ARID4A: variants seen among roughly 807,000 people sequenced by gnomAD.
ARID4A encodes the protein AT-rich interactive domain-containing protein 4A.
Under a neutral mutation model 148.6 loss-of-function variants are expected in ARID4A, and 39 were observed. The ratio of observed to expected loss-of-function variants is 0.26; its 90% CI spans 0.20 to 0.34. The LOEUF is 0.34. ARID4A is among the 10% of genes least tolerant of loss of function. The probability of loss-of-function intolerance (pLI) is 1.00; values close to 1 mark genes in which losing one functional copy is unlikely to be tolerated. For synonymous variants in ARID4A, 475 were observed against 481.2 expected (o/e 0.99, Z 0.17); for missense variants, 1,265 against 1,449.1 (o/e 0.87, Z 2.06).
chr14:58,352,479 A>G (rs1380611751), intron 16 of ARID4A, among the ~76,000 whole-genome samples: 7 of 152,222 alleles, frequency 4.6e-5, no homozygotes, highest in African/African-American at 1.4e-4. Context: ...TAATACATCT[A>G]TGTAAAATGT....
chr14:58,363,701 AAAAAG>A (rs1161063152), intron 19 of ARID4A, among the ~76,000 whole-genome samples: 65 of 152,174 alleles, frequency 4.3e-4, no homozygotes, highest in African/African-American at 1.4e-3. Flanking sequence ...GTCTCAAAAA[AAAAAG>A]AAAAGAAAAG....
chr14:58,318,661 G>T (rs957508214), intron 6 of ARID4A, 40 bp downstream of exon 6: 5 of 1,612,658 alleles, frequency 3.1e-6, no homozygotes, highest in African/African-American at 1.3e-5. Context: ...TGAACTACAG[G>T]TACTGATCTA....
chr14:58,308,127 A>G (rs948157185), intron 5 of ARID4A, among the ~76,000 whole-genome samples: 13 of 152,326 alleles, frequency 8.5e-5, no homozygotes, highest in Non-Finnish European at 1.5e-4. Context: ...TGTCCTCTAC[A>G]TGAGTAGCGT....
chr14:58,298,937 A>C (rs1226205801), intron 1 of ARID4A, among the ~76,000 whole-genome samples: 1 of 152,084 alleles, frequency 6.6e-6, no homozygotes, highest in African/African-American at 2.4e-5. Context: ...TTCCCGGGAA[A>C]ATGGCTGTGG....
At chr14:58,318,035 G>C (rs1215167533) in intron 5 of ARID4A, among the ~76,000 whole-genome samples, 1 of 151,880 alleles carries the variant, frequency 6.6e-6, no homozygotes, top group East Asian at 1.9e-4. Context: ...GAAAGAACTT[G>C]TATCTTATGA....
rs183200578 is a variant in ARID4A at position 58,324,095 on chromosome 14, A to G, written c.582+478A>G. On this transcript the variant is annotated intron_variant, in intron 8 of 23. Coordinates refer to ENST00000355431, the MANE Select transcript of ARID4A (RefSeq NM_002892.4). ...AATTTTTTGTATTTTTAGTAGAGAC[A>G]GGGTTTCACCATGTTAGCCAGGATG... 1.9e-3 allele frequency among the ~76,000 whole-genome samples: 295 copies of G among 151,662 alleles called. 3 individuals are homozygous for G. Among genetic ancestry groups the G allele is most frequent in the Admixed American group, 0.017 (259 of 15,230 alleles).
intron 5 of ARID4A, among the ~76,000 whole-genome samples, chr14:58,310,045 A>G (rs904696648): frequency 1.3e-5 from 2 of 152,196 alleles, no homozygotes; most frequent in Non-Finnish European, 2.9e-5. Context: ...TGACTAGAAG[A>G]TAATTCATTA....
At chr14:58,348,418 A>G (rs562020230) in intron 15 of ARID4A, among the ~76,000 whole-genome samples, 6 of 152,214 alleles carry the variant, frequency 3.9e-5, no homozygotes, top group African/African-American at 7.2e-5. Context: ...GAATAAATGA[A>G]TCACCTCTTT....
At chr14:58,298,908 C>G (rs1344817036) in intron 1 of ARID4A, among the ~76,000 whole-genome samples, 2 of 152,204 alleles carry the variant, frequency 1.3e-5, no homozygotes, top group Non-Finnish European at 2.9e-5. Flanking sequence ...GCAGCCGCCT[C>G]CTCGTCCGCT....
chr14:58,347,652 T>A lies in ARID4A; in HGVS notation c.1178T>A (p.Leu393His). 6.3e-7 allele frequency: 1 copy of A among 1,587,078 alleles called. No individual in the cohort carries two copies. Among genetic ancestry groups the A allele is most frequent in the Non-Finnish European group, 8.6e-7 (1 of 1,166,290 alleles). The change falls in exon 15 of 24, where the codon CTC becomes CAC. Residue 393 changes from leucine to histidine, a missense_variant. This residue lies in a region of ARID4A where 205 missense variants were observed against 196.9 expected (regional missense o/e 1.04). Coordinates refer to ENST00000355431, the MANE Select transcript of ARID4A (RefSeq NM_002892.4). ...YNVKTAYRKY[L>H]YGFEEYCRSA... ...ATGAAATATTGTTTGTTTAGGTATC[T>A]CTATGGTTTTGAGGAGTACTGCCGT...
At chr14:58,313,303 G>A (rs1423770395) in intron 5 of ARID4A, among the ~76,000 whole-genome samples, 2 of 152,136 alleles carry the variant, frequency 1.3e-5, no homozygotes, top group Admixed American at 1.3e-4. Flanking sequence ...GGAAGTGCTG[G>A]GGGATGGTTT....
intron 15 of ARID4A, among the ~76,000 whole-genome samples, chr14:58,350,393 T>C (rs1021521990): frequency 5.3e-5 from 8 of 152,294 alleles, no homozygotes; most frequent in African/African-American, 1.9e-4. Context: ...AGAAGTTGAC[T>C]TGAAGGAGAA....
At chr14:58,307,347 C>T (rs1408832428) in intron 5 of ARID4A, among the ~76,000 whole-genome samples, 3 of 152,236 alleles carry the variant, frequency 2.0e-5, no homozygotes, top group African/African-American at 4.8e-5. Flanking sequence ...AAAAATTTCT[C>T]TGTCTTACCC....
chr14:58,305,984 T>C lies in ARID4A; in HGVS notation c.184-38T>C, dbSNP rs766024843. On this transcript the variant is annotated intron_variant, in intron 4 of 23. Coordinates refer to ENST00000355431, the MANE Select transcript of ARID4A (RefSeq NM_002892.4). ...TGGTGGGAGTGATTTGGTTTATTTG[T>C]TTAAATTTGGTAAGGAAATTGGGAT... 3 of 1,513,058 alleles carry C rather than the reference T, an allele frequency of 2.0e-6. No individual in the cohort carries two copies. In the South Asian group the frequency reaches 3.4e-5, roughly 17 times the overall value. 93.7% of individuals were successfully genotyped at this position (1,513,058 alleles called of 1,614,324 possible). A position where few individuals can be genotyped will look rare whatever the true frequency, so the allele number is the denominator to read the frequency against.
At chr14:58,317,802 A>G (rs1225950491) in intron 5 of ARID4A, among the ~76,000 whole-genome samples, 2 of 151,334 alleles carry the variant, frequency 1.3e-5, no homozygotes, top group Non-Finnish European at 2.9e-5. Flanking sequence ...CTGCCCTACA[A>G]ACTTTTATCT....
At chr14:58,301,939 A>G (rs55801198) in intron 3 of ARID4A, among the ~76,000 whole-genome samples, 2,902 of 152,374 alleles carry the variant, frequency 0.019, 107 homozygotes, top group African/African-American at 0.066. Context: ...TTGTGGTAGC[A>G]TACTTGGACT....
At chr14:58,349,474 A>G (rs377371169) in intron 15 of ARID4A, among the ~76,000 whole-genome samples, 108 of 151,516 alleles carry the variant, frequency 7.1e-4, no homozygotes, top group African/African-American at 2.6e-3. Context: ...GTGAAACCCC[A>G]TCTCTACTAA....
intron 5 of ARID4A, among the ~76,000 whole-genome samples, chr14:58,308,588 G>A (rs1310116837): frequency 6.6e-6 from 1 of 152,184 alleles, no homozygotes; most frequent in African/African-American, 2.4e-5. Flanking sequence ...GATATTGAAG[G>A]AAGTGGATCA....
intron 8 of ARID4A, among the ~76,000 whole-genome samples, chr14:58,326,732 C>G (rs2033235077): frequency 6.6e-6 from 1 of 152,132 alleles, no homozygotes; most frequent in Admixed American, 6.5e-5. Flanking sequence ...TTAAATAGTT[C>G]ATAGGTAAGG....
Sources: gnomAD v4.1 joint callset for allele counts (sites outside exome capture counted in the v4.1 genomes callset) on GRCh38, gnomAD v4.1.1 for gene constraint, gnomAD v4.1.1 regional missense constraint, MANE v1.5 for transcripts, NCBI Gene and HGNC (gene_info 2026-07-23, HGNC 2026-07-21) for gene names.